Variants in TMEM181 observed in about 807,000 individuals in gnomAD.
TMEM181 encodes transmembrane protein 181, also known as G protein-coupled receptor 178.
Under a neutral mutation model 71.9 loss-of-function variants are expected in TMEM181, and 39 were observed. The ratio of observed to expected loss-of-function variants is 0.54; its 90% CI spans 0.42 to 0.71. TMEM181 has a LOEUF of 0.71. Ranked by LOEUF, TMEM181 falls within the 30% of genes least tolerant of loss-of-function variation. The pLI, the probability that TMEM181 is intolerant of heterozygous loss-of-function variation, is 0.00. For synonymous variants in TMEM181, 245 were observed against 228.8 expected (o/e 1.07, Z -0.64); for missense variants, 595 against 583.0 (o/e 1.02, Z -0.21).
chr6:158,558,103 T>C (rs1461111898), upstream of TMEM181, among the ~76,000 whole-genome samples: 1 of 152,076 alleles, frequency 6.6e-6, no homozygotes, highest in Non-Finnish European at 1.5e-5. Context: ...CAGGAAGGAA[T>C]TGCCAGGAGG....
intron 10 of TMEM181, among the ~76,000 whole-genome samples, chr6:158,614,479 T>TTTAA (rs60383257): frequency 0.52 from 67,267 of 129,768 alleles, 15,147 homozygotes; most frequent in East Asian, 0.66. Flanking sequence ...GACAATCCTA[T>TTTAA]TTAAAAAAAA....
In TMEM181 at chr6:158,569,428, CTCTG is replaced by C. The variant is rs544659078; in HGVS notation, c.9-3988_9-3985del. Among the ~76,000 whole-genome samples the C allele has an allele frequency of 2.4e-4, 36 of 152,320 alleles. No homozygotes were observed. The South Asian group carries it at 7.5e-3, about 32-fold the overall frequency. ...TTAAGAAGACAGATTATGTTGTTTT[CTCTG>C]TCTTTTTTCCTTTGAGTTGGATGAC... On this transcript the variant is annotated intron_variant, in intron 1 of 16. Transcript: ENST00000684151.
intron 1 of TMEM181, among the ~76,000 whole-genome samples, chr6:158,554,457 TGATC>T (rs1467472237): frequency 6.6e-6 from 1 of 152,110 alleles, no homozygotes; most frequent in African/African-American, 2.4e-5. Context: ...TGACCGCAGG[TGATC>T]CACCTGCCTC....
At chr6:158,610,767 T>TG (rs1472969183) in intron 10 of TMEM181, 1 of 313,980 alleles carries the variant, frequency 3.2e-6, no homozygotes, top group Non-Finnish European at 6.0e-6. Flanking sequence ...CAGCCTGTGC[T>TG]GCGTCATTGC....
chr6:158,616,242 A>G (rs1785605749), intron 10 of TMEM181, among the ~76,000 whole-genome samples: 1 of 150,012 alleles, frequency 6.7e-6, no homozygotes, highest in African/African-American at 2.5e-5. Flanking sequence ...TTCTCTTTGA[A>G]GCAATTGTGA....
At chr6:158,582,244 A>G (rs1008255764) in intron 3 of TMEM181, among the ~76,000 whole-genome samples, 2 of 152,094 alleles carry the variant, frequency 1.3e-5, no homozygotes, top group Admixed American at 6.6e-5. Context: ...CATCTTTTAC[A>G]GTTTCTGTCT....
intron 10 of TMEM181, chr6:158,609,618 T>TG: frequency 5.8e-6 from 1 of 173,288 alleles, no homozygotes; most frequent in Non-Finnish European, 1.3e-5. Flanking sequence ...ATCCTCCCCC[T>TG]GGGACACAGA....
chr6:158,604,753 T>A (rs1459704355), intron 6 of TMEM181, among the ~76,000 whole-genome samples: 1 of 152,210 alleles, frequency 6.6e-6, no homozygotes, highest in African/African-American at 2.4e-5. Context: ...CTATTTCTAA[T>A]AAAGAGATTG....
At chr6:158,570,427 G>A (rs1281761739) in intron 1 of TMEM181, among the ~76,000 whole-genome samples, 1 of 149,932 alleles carries the variant, frequency 6.7e-6, no homozygotes, top group Non-Finnish European at 1.5e-5. Flanking sequence ...AGTTTCAGTA[G>A]AGACAGGGTT....
upstream of TMEM181, chr6:158,560,005 G>A (rs573932412): frequency 5.4e-4 from 529 of 977,114 alleles, 6 homozygotes; most frequent in South Asian, 0.017. Flanking sequence ...CTCGCCGCGC[G>A]CCCGCGGCCC....
At chr6:158,607,408 A>T (rs932691235) in intron 8 of TMEM181, 65 bp downstream of exon 8, 39 of 1,482,134 alleles carry the variant, frequency 2.6e-5, no homozygotes, top group Middle Eastern at 1.9e-4. Flanking sequence ...GGCCAGGTGC[A>T]GGGTTGTGCC....
chr6:158,538,998 G>A (rs1362699835), intron 1 of TMEM181, among the ~76,000 whole-genome samples: 3 of 152,208 alleles, frequency 2.0e-5, no homozygotes, highest in Admixed American at 1.3e-4. Flanking sequence ...TAAGGAATGT[G>A]GATTTCACTG....
Position 158,625,208 on chromosome 6 carries a change from T to G in TMEM181, c.1057+2T>G. The stretch of plus-strand genomic sequence containing the variant: ...AGCTACGTCACATGCCTTATGTGGG[T>G]AAGTGCTCCTTTCAGAATCGGTGCA... On this transcript the variant is annotated splice_donor_variant, in intron 12 of 16. Transcript: ENST00000684151. LOFTEE classifies it high-confidence loss of function. 2.5e-6 allele frequency: 4 copies of G among 1,613,392 alleles called. No individual in the cohort carries two copies. The highest frequency in any genetic ancestry group is 3.4e-6 in the Non-Finnish European group (4 of 1,179,344).
chr6:158,603,453 A>G (rs1328907813), intron 6 of TMEM181, among the ~76,000 whole-genome samples: 1 of 152,156 alleles, frequency 6.6e-6, no homozygotes, highest in East Asian at 1.9e-4. Flanking sequence ...TCGCTGGCCC[A>G]CTGCTCATCT....
intron 10 of TMEM181, chr6:158,609,693 G>A (rs1471576985): frequency 7.9e-6 from 2 of 252,786 alleles, no homozygotes; most frequent in East Asian, 1.0e-4. Context: ...CCCAATGACT[G>A]TGCCCTCTCT....
At chr6:158,623,703 GCTAA>G (rs1284753920) in intron 11 of TMEM181, 96 bp downstream of exon 11, 3 of 830,566 alleles carry the variant, frequency 3.6e-6, no homozygotes, top group Non-Finnish European at 3.8e-6. Flanking sequence ...TGAGCTTTTT[GCTAA>G]CTGACTACTT....
chr6:158,597,248 T>C (rs528297462), intron 6 of TMEM181, among the ~76,000 whole-genome samples: 7 of 152,340 alleles, frequency 4.6e-5, no homozygotes, highest in Non-Finnish European at 7.4e-5. Context: ...TGTTTATCTT[T>C]TAAGTAGATA....
intron 1 of TMEM181, among the ~76,000 whole-genome samples, chr6:158,549,357 ACCCGCCTTGGCCTCCC>A (rs1781647071): frequency 6.6e-6 from 1 of 151,990 alleles, no homozygotes; most frequent in Non-Finnish European, 1.5e-5. Context: ...GTCGTGATCC[ACCCGCCTTGGCCTCCC>A]AAAGTACTGG....
At chr6:158,582,186 A>G (rs1314942081) in intron 3 of TMEM181, among the ~76,000 whole-genome samples, 1 of 152,044 alleles carries the variant, frequency 6.6e-6, no homozygotes, top group Non-Finnish European at 1.5e-5. Context: ...TGTTGGCGTG[A>G]TGATCTGATT....
Sources: allele counts gnomAD v4.1 joint callset (sites outside exome capture counted in the v4.1 genomes callset), GRCh38; gene constraint gnomAD v4.1.1; transcripts MANE v1.5; gene names NCBI Gene and HGNC (gene_info 2026-07-23, HGNC 2026-07-21).